CLYBL: variants seen among roughly 807,000 people sequenced by gnomAD.
CLYBL encodes citramalyl-CoA lyase, mitochondrial.
CLYBL carries 31 observed loss-of-function variants against 38.9 expected under a neutral mutation model. The observed-to-expected ratio is 0.80, with a 90% CI of 0.60 to 1.08. CLYBL has a LOEUF of 1.08. CLYBL is among the 50% of genes least tolerant of loss of function. The probability of loss-of-function intolerance (pLI) is 0.00; values close to 1 mark genes in which losing one functional copy is unlikely to be tolerated. For synonymous variants in CLYBL, 171 were observed against 158.6 expected, an observed-to-expected ratio of 1.08 and a Z score of -0.59; for missense variants, 434 against 411.6, an observed-to-expected ratio of 1.05 and a Z score of -0.47.
At chr13:99,632,891 G>A (rs747882845) in intron 1 of CLYBL, among the ~76,000 whole-genome samples, 20 of 152,150 alleles carry the variant, frequency 1.3e-4, no homozygotes, top group Non-Finnish European at 2.6e-4. Context: ...TACATTCAAA[G>A]ACTTAATAAA....
At position 99,606,691 on chromosome 13, in the gene CLYBL, G is replaced by C. The variant is rs375691452; in HGVS notation, c.-5G>C. On this transcript the variant is annotated 5_prime_UTR_variant, in exon 1 of 9. Transcript: ENST00000339105. ...GGCAAAGGGCGGGGCGCGCGCGTCG[G>C]GAAGATGGCGCTACGTCTGCTGCGG... 0.013 allele frequency: 19,722 copies of C among 1,488,276 alleles called. 176 individuals carry two copies. The highest frequency in any genetic ancestry group is 0.023 in the Middle Eastern group (104 of 4,448). The allele number at this position is 1,488,276 out of a possible 1,614,324, so 92.2% of individuals were successfully genotyped here. A position where few individuals can be genotyped will look rare whatever the true frequency, so the allele number is the denominator to read the frequency against.
chr13:99,759,869 A>C (rs1225814775), intron 1 of CLYBL, among the ~76,000 whole-genome samples: 1 of 152,232 alleles, frequency 6.6e-6, no homozygotes, highest in Non-Finnish European at 1.5e-5. Flanking sequence ...TAGGTCAAAA[A>C]TGGTCAAATA....
chr13:99,896,921 C>T (rs1035554349), downstream of CLYBL: 9 of 152,122 alleles, frequency 5.9e-5, no homozygotes, highest in East Asian at 3.9e-4. Flanking sequence ...CTGTTGAACC[C>T]GACTGGGTGC....
chr13:99,730,464 T>C (rs1594145177), intron 1 of CLYBL, among the ~76,000 whole-genome samples: 2 of 151,894 alleles, frequency 1.3e-5, no homozygotes, highest in Middle Eastern at 6.8e-3. Flanking sequence ...TTAGTGAGAA[T>C]ACAGAACAGC....
At chr13:99,669,919 G>A (rs1406423012) in intron 1 of CLYBL, among the ~76,000 whole-genome samples, 4 of 152,126 alleles carry the variant, frequency 2.6e-5, no homozygotes, top group African/African-American at 9.7e-5. Context: ...CAGGCTGGGC[G>A]CCATGGCTTA....
chr13:99,802,737 G>A (rs1284364204), intron 2 of CLYBL, among the ~76,000 whole-genome samples: 1 of 152,210 alleles, frequency 6.6e-6, no homozygotes, highest in Non-Finnish European at 1.5e-5. Flanking sequence ...AGCTGCTTGT[G>A]TGGTCTTCCC....
At chr13:99,656,935 T>C (rs1489180810) in intron 1 of CLYBL, among the ~76,000 whole-genome samples, 1 of 152,232 alleles carries the variant, frequency 6.6e-6, no homozygotes, top group Non-Finnish European at 1.5e-5. Context: ...GCATGTGGTG[T>C]GAAAGCAAAA....
chr13:99,839,451 T>G (rs949105110), intron 2 of CLYBL, among the ~76,000 whole-genome samples: 5 of 152,248 alleles, frequency 3.3e-5, no homozygotes, highest in African/African-American at 1.2e-4. Context: ...GAGGTAACTA[T>G]GAAGACTCTT....
chr13:99,833,042 T>C (rs1198163169), intron 2 of CLYBL, among the ~76,000 whole-genome samples: 1 of 65,550 alleles, frequency 1.5e-5, no homozygotes, highest in Admixed American at 1.6e-4. Flanking sequence ...TTTTTTTTTT[T>C]TTTTTTTTTT....
intron 7 of CLYBL, among the ~76,000 whole-genome samples, chr13:99,882,499 A>T (rs879854442): frequency 1.3e-5 from 2 of 152,070 alleles, no homozygotes; most frequent in Non-Finnish European, 2.9e-5. Flanking sequence ...TACTAAAAAT[A>T]CAAAAAGTTA....
chr13:99,713,268 A>AT (rs1446313505), intron 1 of CLYBL, among the ~76,000 whole-genome samples: 1 of 150,728 alleles, frequency 6.6e-6, no homozygotes, highest in African/African-American at 2.4e-5. Context: ...TAGGTGTTCC[A>AT]TAGGCCTTTC....
chr13:99,794,435 A>G (rs2138906904), intron 2 of CLYBL, among the ~76,000 whole-genome samples: 1 of 152,258 alleles, frequency 6.6e-6, no homozygotes, highest in South Asian at 2.1e-4. Flanking sequence ...AAAAAGATTC[A>G]AGTGTATATA....
chr13:99,864,181 TC>T lies in CLYBL; in HGVS notation c.541-633del, dbSNP rs1344201631. 2.0e-5 allele frequency among the ~76,000 whole-genome samples: 3 copies of T among 149,160 alleles called. No individual in the cohort carries two copies. The East Asian group carries it at 6.1e-4, about 30-fold the overall frequency. ...CAATGTCTGAAATTAATCAACAGTG[TC>T]CCCACCGGTTCCTCGTTTCTTTCCC... On this transcript the variant is annotated intron_variant, in intron 4 of 8. Transcript: ENST00000339105.
At chr13:99,768,205 T>A (rs2049308305) in intron 1 of CLYBL, among the ~76,000 whole-genome samples, 2 of 144,242 alleles carry the variant, frequency 1.4e-5, no homozygotes, top group African/African-American at 5.1e-5. Context: ...TTTTTTTTTT[T>A]TTTTTTTGAG....
At chr13:99,618,417 C>T (rs547031886) in intron 1 of CLYBL, among the ~76,000 whole-genome samples, 4 of 151,934 alleles carry the variant, frequency 2.6e-5, no homozygotes, top group South Asian at 2.1e-4. Flanking sequence ...TACAGGTGCC[C>T]GCCACCACGC....
intron 2 of CLYBL, among the ~76,000 whole-genome samples, chr13:99,818,828 A>AC (rs1201677709): frequency 6.6e-6 from 1 of 152,194 alleles, no homozygotes; most frequent in Non-Finnish European, 1.5e-5. Context: ...CACTTAGCAC[A>AC]CCAGAAGCAT....
chr13:99,889,105 A>G (rs1488603316), intron 7 of CLYBL, among the ~76,000 whole-genome samples: 3 of 152,342 alleles, frequency 2.0e-5, no homozygotes, highest in African/African-American at 7.2e-5. Context: ...TTGAAAAACT[A>G]CATGAAGTGT....
At chr13:99,837,071 G>T (rs2050956887) in intron 2 of CLYBL, among the ~76,000 whole-genome samples, 1 of 152,032 alleles carries the variant, frequency 6.6e-6, no homozygotes, top group South Asian at 2.1e-4. Flanking sequence ...TGGCCTCAGA[G>T]GTCCCCACTT....
intron 2 of CLYBL, among the ~76,000 whole-genome samples, chr13:99,829,253 G>A (rs557389976): frequency 2.0e-5 from 3 of 152,220 alleles, no homozygotes; most frequent in Non-Finnish European, 4.4e-5. Flanking sequence ...AGGAAGGTAG[G>A]AATCTTGCAG....
Sources: allele counts gnomAD v4.1 joint callset (sites outside exome capture counted in the v4.1 genomes callset), GRCh38; gene constraint gnomAD v4.1.1; transcripts MANE v1.5; gene names NCBI Gene and HGNC (gene_info 2026-07-23, HGNC 2026-07-21).